The following TEDC2 variants were observed in gnomAD, a reference collection of about 807,000 sequenced individuals.
The protein encoded by TEDC2 is tubulin epsilon and delta complex 2, also known as tubulin epsilon and delta complex protein 2.
TEDC2 carries 49 observed loss-of-function variants against 48.1 expected under a neutral mutation model. The observed-to-expected ratio is 1.02, with a 90% CI of 0.81 to 1.29. The LOEUF (loss-of-function observed/expected upper bound fraction) is 1.29, where lower values mean the gene tolerates loss of function less well. Among genes scored for constraint, TEDC2 ranks in the 50% most tolerant of loss-of-function variants. The pLI, the probability that TEDC2 is intolerant of heterozygous loss-of-function variation, is 0.00. For synonymous variants in TEDC2, 299 were observed against 247.1 expected, an observed-to-expected ratio of 1.21 and a Z score of -1.97; for missense variants, 631 against 571.4, an observed-to-expected ratio of 1.10 and a Z score of -1.06.
chr16:2,464,282 C>A, intron 9 of TEDC2, 53 bp downstream of exon 9: 1 of 1,573,334 alleles, frequency 6.4e-7, no homozygotes. Flanking sequence ...GCCTTGAGGA[C>A]CCGAGGGTAG....
chr16:2,464,811 G>A lies in TEDC2; in HGVS notation c.*143G>A. The stretch of plus-strand genomic sequence containing the variant: ...AGGTGGCCTCACTGGCTCTTCTCAG[G>A]ACAACTAAGCCTGCTGGTCAGGGCT... On this transcript the variant is annotated 3_prime_UTR_variant, in exon 10 of 10. Coordinates refer to ENST00000361837, the MANE Select transcript of TEDC2 (RefSeq NM_025108.3). The A allele has an allele frequency of 8.5e-7, 1 of 1,183,296 alleles. No individual in the cohort carries two copies. Among genetic ancestry groups the A allele is most frequent in the Non-Finnish European group, 1.2e-6 (1 of 844,460 alleles). 73.3% of individuals were successfully genotyped at this position (1,183,296 alleles called of 1,614,324 possible).
Position 2,460,862 on chromosome 16 carries a change from C to G in TEDC2, c.243C>G (p.Thr81=). Residue 81 remains threonine, a synonymous_variant, in exon 4 of 10, where the codon ACC becomes ACG. Transcript: ENST00000361837. ...ACCTCAAAGAGTTGGAGTTTCTGAC[C>G]CAGGCACTGGAGAAGGCTGTACGAG... ...PQDLKELEFL[T]QALEKAVRVR... is the part of the protein sequence containing the mutation. 1.2e-6 allele frequency: 2 copies of G among 1,613,398 alleles called. No individual in the cohort carries two copies. Among genetic ancestry groups the G allele is most frequent in the Non-Finnish European group, 1.7e-6 (2 of 1,179,954 alleles).
intron 4 of TEDC2, 180 bp from the exon 5 acceptor site, chr16:2,461,567 C>T: frequency 1.4e-6 from 1 of 722,092 alleles, no homozygotes; most frequent in Non-Finnish European, 2.3e-6. Flanking sequence ...TGGGGCAGCA[C>T]TGGACGATGC....
intron 3 of TEDC2, 28 bp downstream of exon 3, chr16:2,460,721 G>C: frequency 6.2e-7 from 1 of 1,612,904 alleles, no homozygotes; most frequent in Non-Finnish European, 8.5e-7. Flanking sequence ...GCCTTCTCCA[G>C]GTGCTGCTCT....
In TEDC2 at chr16:2,460,708, C is replaced by G. The variant is rs970259170; in HGVS notation, c.196+15C>G. 2 of 1,612,886 alleles carry G rather than the reference C, an allele frequency of 1.2e-6. No homozygotes were observed. The highest frequency in any genetic ancestry group is 1.3e-5 in the African/African-American group (1 of 74,958). ...CCCCCTTCCAGGTAAACCTCCACCA[C>G]CCGCCTTCTCCAGGTGCTGCTCTGG... On this transcript the variant is annotated intron_variant, in intron 3 of 9. Transcript: ENST00000361837.
rs1444509720 is a variant in TEDC2, at chr16:2,462,670, C to T, written c.902C>T (p.Thr301Met). 12 of 1,547,416 alleles carry T rather than the reference C, an allele frequency of 7.8e-6. No homozygotes were observed. The highest frequency in any genetic ancestry group is 2.4e-5 in the South Asian group (2 of 84,066). The change falls in exon 8 of 10, where the codon ACG (threonine) becomes ATG (methionine). Residue 301 changes from threonine to methionine, a missense_variant. Physicochemically the swap from Thr to Met is moderately conservative, Grantham distance 81. Transcript: ENST00000361837. ...DWMQEYRCLL[T>M]LEGLQAMVGQ... ...ATGCAGGAGTACCGCTGCCTGCTCA[C>T]GCTGGAGGGGCTGCAGGCCATGGTG... is the stretch of plus-strand genomic sequence containing the variant.
chr16:2,463,746 C>T (rs972348178), intron 8 of TEDC2, among the ~76,000 whole-genome samples: 1 of 152,076 alleles, frequency 6.6e-6, no homozygotes, highest in Non-Finnish European at 1.5e-5. Context: ...TTTCTAATTG[C>T]TTGAAGTTTT....
In TEDC2 at chr16:2,463,534, C is replaced by T. The variant is rs1469387833; in HGVS notation, c.965-505C>T. ...CCCAGCTACTTGGGAGGCTGAGGCA[C>T]AAGAATTGCTTGAATCCAGAAGGCA... is the stretch of plus-strand genomic sequence containing the variant. On this transcript the variant is annotated intron_variant, in intron 8 of 9. Transcript: ENST00000361837. Among the ~76,000 whole-genome samples, 12 of 149,288 alleles carry T rather than the reference C, an allele frequency of 8.0e-5. No homozygotes were observed. In the Admixed American group the frequency reaches 8.1e-4, roughly 10 times the overall value.
rs967636040 is a variant in TEDC2, at chr16:2,460,571, TTGGGC to T, written c.126-46_126-42del. On this transcript the variant is annotated intron_variant, in intron 2 of 9. Coordinates refer to ENST00000361837, the MANE Select transcript of TEDC2 (RefSeq NM_025108.3). ...GGCCCGGCGGCCCCCTCGGGTCTGT[TTGGGC>T]TGGGCCCTGCCTCCTGGCCGTGCGA... 5.0e-6 allele frequency: 8 copies of T among 1,608,004 alleles called. No homozygotes were observed. In the Admixed American group the frequency reaches 1.3e-4, roughly 27 times the overall value.
rs758039730 is a variant in TEDC2 at position 2,460,717 on chromosome 16, T to C, written c.196+24T>C. On this transcript the variant is annotated intron_variant, in intron 3 of 9. Coordinates refer to ENST00000361837, the MANE Select transcript of TEDC2 (RefSeq NM_025108.3). The stretch of plus-strand genomic sequence containing the variant: ...AGGTAAACCTCCACCACCCGCCTTC[T>C]CCAGGTGCTGCTCTGGCCTGTCTGC... The C allele has an allele frequency of 2.5e-6, 4 of 1,612,792 alleles. No individual in the cohort carries two copies. In the East Asian group the frequency reaches 6.7e-5, roughly 27 times the overall value.
At position 2,461,089 on chromosome 16, in the gene TEDC2, T is replaced by G. The variant is rs1300746716; in HGVS notation, c.470T>G (p.Leu157Arg). ...VPAKGHPERR[L>R]LSVGDGTRVG... ...GCCAAGGGCCACCCTGAGCGCCGGC[T>G]GCTGTCAGTGGGGGATGGGACCCGT... The change falls in exon 4 of 10, where the codon CTG becomes CGG. Residue 157 changes from leucine to arginine, a missense_variant. By Grantham distance (102) the Leu-to-Arg change is moderately radical. Coordinates refer to ENST00000361837, the MANE Select transcript of TEDC2 (RefSeq NM_025108.3). 2 of 1,593,130 alleles carry G rather than the reference T, an allele frequency of 1.3e-6. No homozygotes were observed. Among genetic ancestry groups the G allele is most frequent in the Admixed American group, 3.4e-5 (2 of 58,830 alleles).
chr16:2,464,413 C>T, intron 9 of TEDC2, 109 bp from the exon 10 acceptor site: 3 of 1,364,710 alleles, frequency 2.2e-6, no homozygotes, highest in Non-Finnish European at 2.9e-6. Context: ...AGCCTGGAGC[C>T]TCAGAAGGAG....
intron 8 of TEDC2, 67 bp from the exon 9 acceptor site, chr16:2,463,972 C>T: frequency 1.3e-6 from 2 of 1,521,578 alleles, no homozygotes; most frequent in Middle Eastern, 2.2e-4. Context: ...GAGGGCCAGG[C>T]ACACAGGAAA....
intron 8 of TEDC2, 138 bp from the exon 9 acceptor site, chr16:2,463,901 C>A: frequency 1.1e-6 from 1 of 946,292 alleles, no homozygotes. Context: ...CACCATCTTG[C>A]ATGGGGCTGT....
chr16:2,464,192 G>T lies in TEDC2; in HGVS notation c.1118G>T (p.Arg373Leu), dbSNP rs752195413. Residue 373 changes from arginine (R) to leucine (L), a missense_variant, in exon 9 of 10, where the codon CGA (arginine) becomes CTA (leucine). By Grantham distance (102) the Arg-to-Leu change is moderately radical. Transcript: ENST00000361837. ...ELQTLAALKL[R>L]VAVLDQQIHL... ...CAGACCCTGGCGGCCCTCAAGCTGC[G>T]AGTGGCTGTGCTGGACCAGCAGATC... 7.4e-6 allele frequency: 12 copies of T among 1,612,010 alleles called. No individual in the cohort carries two copies. Among genetic ancestry groups the T allele is most frequent in the African/African-American group, 4.0e-5 (3 of 74,902 alleles).
chr16:2,462,648 C>T lies in TEDC2; in HGVS notation c.880C>T (p.Gln294Ter). 1 of 1,547,930 alleles carries T rather than the reference C, an allele frequency of 6.5e-7. No individual in the cohort carries two copies. The stretch of plus-strand genomic sequence containing the variant: ...TTCTGCAGCCCCCATGGACTGGATG[C>T]AGGAGTACCGCTGCCTGCTCACGCT... ...ELSAAPMDWM[Q>*]EYRCLLTLEG... Residue 294 changes from glutamine to a stop codon, truncating the protein, a stop_gained, in exon 8 of 10, where the codon CAG (glutamine) becomes TAG (stop). Coordinates refer to ENST00000361837, the MANE Select transcript of TEDC2 (RefSeq NM_025108.3). LOFTEE classifies it high-confidence loss of function.
In TEDC2 at chr16:2,462,748, C is replaced by G; in HGVS notation, c.964+16C>G. The G allele has an allele frequency of 2.6e-6, 4 of 1,526,268 alleles. No individual in the cohort carries two copies. The highest frequency in any genetic ancestry group is 1.4e-5 in the African/African-American group (1 of 72,794). 94.5% of individuals were successfully genotyped at this position (1,526,268 alleles called of 1,614,324 possible). On this transcript the variant is annotated intron_variant, in intron 8 of 9. Transcript: ENST00000361837. ...CTGCGTGCAGGTGAGACCCCGCCCC[C>G]ACCCTGCCACCTGCACTGAGGTCTG...
chr16:2,460,149 T>C lies in TEDC2; in HGVS notation c.5T>C (p.Leu2Pro), dbSNP rs895571533. The change falls in exon 1 of 10, where the codon CTG becomes CCG. Residue 2 changes from leucine to proline, a missense_variant. Coordinates refer to ENST00000361837, the MANE Select transcript of TEDC2 (RefSeq NM_025108.3). Reference protein sequence around the residue: MLPAGCSRRLVA... With the variant: MPPAGCSRRLVA... ...CAAGGAGACGCCGCCGCCTTCATGC[T>C]GCCGGCGGGCTGCTCGCGCCGGTGA... 4 of 1,297,806 alleles carry C rather than the reference T, an allele frequency of 3.1e-6. No homozygotes were observed. The Admixed American group carries it at 1.3e-4, about 43-fold the overall frequency. The allele number at this position is 1,297,806 out of a possible 1,614,324, so 80.4% of individuals were successfully genotyped here.
Position 2,464,670 on chromosome 16 carries a change from C to G in TEDC2, c.*2C>G. The G allele has an allele frequency of 3.1e-6, 5 of 1,612,984 alleles. No individual in the cohort carries two copies. Among genetic ancestry groups the G allele is most frequent in the Non-Finnish European group, 2.5e-6 (3 of 1,179,928 alleles). ...CTGCGGGATGAACCTGCAGTCTGAG[C>G]CTTTCCCATGCTGCCCTCGGCCTGT... On this transcript the variant is annotated 3_prime_UTR_variant, in exon 10 of 10. Coordinates refer to ENST00000361837, the MANE Select transcript of TEDC2 (RefSeq NM_025108.3).
Sources: allele counts gnomAD v4.1 joint callset (sites outside exome capture counted in the v4.1 genomes callset), GRCh38; gene constraint gnomAD v4.1.1; transcripts MANE v1.5; gene names NCBI Gene and HGNC (gene_info 2026-07-23, HGNC 2026-07-21).